The following RSKR variants were observed in gnomAD, a reference collection of about 807,000 sequenced individuals.
RSKR encodes ribosomal protein S6 kinase-related protein.
Under a neutral mutation model 56.8 loss-of-function variants are expected in RSKR, and 44 were observed. That is an observed-to-expected ratio of 0.77 (90% CI 0.61 to 1.00). The LOEUF (loss-of-function observed/expected upper bound fraction) is 1.00. Ranked by LOEUF, RSKR falls within the 50% of genes least tolerant of loss-of-function variation. The probability of loss-of-function intolerance (pLI) is 0.00; values close to 1 mark genes in which losing one functional copy is unlikely to be tolerated. For synonymous variants in RSKR, 181 were observed against 188.0 expected, an observed-to-expected ratio of 0.96 and a Z score of 0.30; for missense variants, 510 against 506.9, an observed-to-expected ratio of 1.01 and a Z score of -0.06.
Position 28,611,606 on chromosome 17 carries a change from C to A in RSKR, c.772G>T (p.Ala258Ser), listed in dbSNP as rs747475419. The A allele has an allele frequency of 3.8e-6, 6 of 1,565,080 alleles. No individual in the cohort carries two copies. The highest frequency in any genetic ancestry group is 3.5e-6 in the Non-Finnish European group (4 of 1,158,382). ...GTGCCACAGATAGTGTAGGCTTGAG[C>A]TCCCTGGGGCACGTGGCGGGACAGA... The part of the protein sequence containing the change: ...FGLSRHVPQG[A>S]QAYTICGTLQ... Residue 258 changes from alanine to serine, a missense_variant, in exon 9 of 12, where the codon GCT becomes TCT. Transcript: ENST00000301037.
intron 9 of RSKR, 25 bp downstream of exon 9, chr17:28,611,542 A>C (rs763754265): frequency 9.0e-6 from 14 of 1,560,184 alleles, no homozygotes; most frequent in Admixed American, 2.0e-5. Context: ...CCCAATGCTT[A>C]CCCATCAGCT....
rs1252338568 is a variant in RSKR, at chr17:28,614,124, T to C, written c.38A>G (p.Gln13Arg). ...AVSCRQGQHTQQGEHTRVAVP... is the reference protein window; with the variant it reads ...AVSCRQGQHTRQGEHTRVAVP... The stretch of plus-strand genomic sequence containing the variant: ...AGCCACCCGGGTGTGTTCCCCCTGC[T>C]GGGTGTGCTGCCCCTGCCGACAGCT... Residue 13 changes from glutamine (Q) to arginine (R), a missense_variant, in exon 1 of 12, where the codon CAG (glutamine) becomes CGG (arginine). Transcript: ENST00000301037. 2.5e-6 allele frequency: 4 copies of C among 1,613,668 alleles called. No homozygotes were observed. Among genetic ancestry groups the C allele is most frequent in the Non-Finnish European group, 3.4e-6 (4 of 1,179,928 alleles).
In RSKR at chr17:28,610,119, GC is replaced by G. The variant is rs1268191112; in HGVS notation, c.*358del. 1 of 224,278 alleles carries G rather than the reference GC, an allele frequency of 4.5e-6. No homozygotes were observed. The highest frequency in any genetic ancestry group is 2.3e-5 in the African/African-American group (1 of 44,418). 13.9% of individuals were successfully genotyped at this position (224,278 alleles called of 1,614,324 possible). A position where few individuals can be genotyped will look rare whatever the true frequency, so the allele number is the denominator to read the frequency against. ...TAAACACATCAATAGCACCCTGGGA[GC>G]CCATGAAGTATTATTATTGCTCAAG... On this transcript the variant is annotated 3_prime_UTR_variant, in exon 12 of 12. Coordinates refer to ENST00000301037, the MANE Select transcript of RSKR (RefSeq NM_001174103.2).
rs745665670 is a variant in RSKR, at chr17:28,611,378, C to T, written c.900+15G>A. The T allele has an allele frequency of 1.3e-6, 2 of 1,559,616 alleles. No individual in the cohort carries two copies. The highest frequency in any genetic ancestry group is 1.1e-5 in the South Asian group (1 of 87,384). On this transcript the variant is annotated intron_variant, in intron 10 of 11. Transcript: ENST00000301037. ...CAAAGCTCTTCTCTGCCCAAAACTA[C>T]TACTATTCTCTCACCTTTCCAGTCG...
rs1309442695 is a variant in RSKR at position 28,609,148 on chromosome 17, C to T, written c.*1330G>A. On this transcript the variant is annotated 3_prime_UTR_variant, in exon 12 of 12. Transcript: ENST00000301037. ...TGGCCTCCAGGGTTCAAGCAGTTCT[C>T]CTGCTTCAGCCTTCTGAGTAGCTGG... 6.8e-6 allele frequency: 1 copy of T among 146,940 alleles called. No homozygotes were observed. Among genetic ancestry groups the T allele is most frequent in the East Asian group, 2.0e-4 (1 of 4,892 alleles). 9.1% of individuals were successfully genotyped at this position (146,940 alleles called of 1,614,324 possible).
chr17:28,611,962 C>T lies in RSKR; in HGVS notation c.693+82G>A, dbSNP rs567019766. The T allele has an allele frequency of 5.5e-5, 89 of 1,613,960 alleles. No homozygotes were observed. In the African/African-American group the frequency reaches 1.1e-3, roughly 20 times the overall value. On this transcript the variant is annotated intron_variant, in intron 7 of 11. Coordinates refer to ENST00000301037, the MANE Select transcript of RSKR (RefSeq NM_001174103.2). Reference sequence around the variant, plus strand: ...TGGGGGCCCCAATGTCTACAGTTCTCAGCTCCCTAACTTCTTGGACTTGTT... The same window carrying T: ...TGGGGGCCCCAATGTCTACAGTTCTTAGCTCCCTAACTTCTTGGACTTGTT...
chr17:28,610,207 G>T lies in RSKR; in HGVS notation c.*271C>A. The T allele has an allele frequency of 2.3e-6, 1 of 429,716 alleles. No individual in the cohort carries two copies. Among genetic ancestry groups the T allele is most frequent in the Non-Finnish European group, 4.2e-6 (1 of 235,612 alleles). 26.6% of individuals were successfully genotyped at this position (429,716 alleles called of 1,614,324 possible). A position where few individuals can be genotyped will look rare whatever the true frequency, so the allele number is the denominator to read the frequency against. ...CTGGCTGACAGCCTGAGGGTAAAGA[G>T]CACTGGAGAAGTAAAGAAAAGGAAA... is the stretch of plus-strand genomic sequence containing the variant. On this transcript the variant is annotated 3_prime_UTR_variant, in exon 12 of 12. Transcript: ENST00000301037.
At chr17:28,610,804 A>G (rs2070801794) in intron 11 of RSKR, 105 bp from the exon 12 acceptor site, 1 of 1,110,476 alleles carries the variant, frequency 9.0e-7, no homozygotes, top group East Asian at 2.6e-5. Flanking sequence ...GAGGGTAGGA[A>G]TAAGAACCCT....
intron 5 of RSKR, 39 bp downstream of exon 5, chr17:28,612,579 A>G: frequency 1.2e-6 from 2 of 1,606,588 alleles, no homozygotes; most frequent in South Asian, 2.2e-5. Flanking sequence ...AACATGGTAC[A>G]AAGACCCTGG....
chr17:28,610,423 G>T lies in RSKR; in HGVS notation c.*55C>A. 1 of 1,436,012 alleles carries T rather than the reference G, an allele frequency of 7.0e-7. No homozygotes were observed. The highest frequency in any genetic ancestry group is 9.5e-7 in the Non-Finnish European group (1 of 1,057,078). The allele number at this position is 1,436,012 out of a possible 1,614,324, so 89.0% of individuals were successfully genotyped here. On this transcript the variant is annotated 3_prime_UTR_variant, in exon 12 of 12. Transcript: ENST00000301037. ...TTATCAAGGTGGTCATACTGAGTAGGCAGGGATGGAGATCTTCAGGCTCCC... is the reference window on the plus strand; with the variant it reads ...TTATCAAGGTGGTCATACTGAGTAGTCAGGGATGGAGATCTTCAGGCTCCC...
rs1463308054 is a variant in RSKR at position 28,610,650 on chromosome 17, T to C, written c.1061A>G (p.Gln354Arg). ...LHRLRYLHHF[Q>R]VHPFFRGVAF... Reference sequence around the variant, plus strand: ...CACACCCCGAAAGAAAGGGTGGACCTGGAAGTGATGCAGATAACGTAGACG... The same window carrying C: ...CACACCCCGAAAGAAAGGGTGGACCCGGAAGTGATGCAGATAACGTAGACG... Residue 354 changes from glutamine (Q) to arginine (R), a missense_variant, in exon 12 of 12, where the codon CAG (glutamine) becomes CGG (arginine). Transcript: ENST00000301037. 10 of 1,535,908 alleles carry C rather than the reference T, an allele frequency of 6.5e-6. No individual in the cohort carries two copies. Among genetic ancestry groups the C allele is most frequent in the Non-Finnish European group, 8.7e-6 (10 of 1,146,906 alleles).
At chr17:28,613,881 A>G in intron 1 of RSKR, 193 bp from the exon 2 acceptor site, 2 of 1,024,186 alleles carry the variant, frequency 2.0e-6, no homozygotes, top group East Asian at 2.6e-5. Context: ...CCTCTAGGAA[A>G]ATAATTGTTG....
intron 1 of RSKR, 163 bp downstream of exon 1, chr17:28,613,924 C>T (rs2070866707): frequency 2.0e-6 from 2 of 1,003,308 alleles, no homozygotes; most frequent in South Asian, 3.2e-5. Context: ...AAGAGTACAG[C>T]CTGCACCTCA....
intron 7 of RSKR, 67 bp from the exon 8 acceptor site, chr17:28,611,862 C>G: frequency 6.2e-7 from 1 of 1,613,170 alleles, no homozygotes; most frequent in Non-Finnish European, 8.5e-7. Flanking sequence ...ATGTATACAC[C>G]CCAGCTGAAG....
rs1391453704 is a variant in RSKR, at chr17:28,608,832, A to G, written c.*1646T>C. 1 of 152,168 alleles carries G rather than the reference A, an allele frequency of 6.6e-6. No homozygotes were observed. The highest frequency in any genetic ancestry group is 2.4e-5 in the African/African-American group (1 of 41,444). 9.4% of individuals were successfully genotyped at this position (152,168 alleles called of 1,614,324 possible). A position where few individuals can be genotyped will look rare whatever the true frequency, so the allele number is the denominator to read the frequency against. ...TCCAGACTGTCTTTTGTCTAGAGAG[A>G]TTAGATGTAACTAAATAATATGGTC... On this transcript the variant is annotated 3_prime_UTR_variant, in exon 12 of 12. Transcript: ENST00000301037.
chr17:28,612,199 T>C (rs1283859706), intron 6 of RSKR, 63 bp downstream of exon 6: 1 of 1,592,558 alleles, frequency 6.3e-7, no homozygotes, highest in African/African-American at 1.3e-5. Flanking sequence ...TATTAATTTT[T>C]TACTCTCCTT....
At chr17:28,613,755 T>A in intron 1 of RSKR, 67 bp from the exon 2 acceptor site, 1 of 1,592,660 alleles carries the variant, frequency 6.3e-7, no homozygotes, top group Non-Finnish European at 8.5e-7. Context: ...CCCATCTTAC[T>A]AGGCACTCCC....
At position 28,613,077 on chromosome 17, in the gene RSKR, C is replaced by A. The variant is rs1371005454; in HGVS notation, c.477+1G>T. ...AATCCTTTCCAGGACTCTGTGCATACCTGGATGCTAACCTCCTCTTTGCAC... is the reference window on the plus strand; with the variant it reads ...AATCCTTTCCAGGACTCTGTGCATAACTGGATGCTAACCTCCTCTTTGCAC... On this transcript the variant is annotated splice_donor_variant, in intron 4 of 11. Coordinates refer to ENST00000301037, the MANE Select transcript of RSKR (RefSeq NM_001174103.2). LOFTEE classifies it high-confidence loss of function. The A allele has an allele frequency of 1.9e-6, 3 of 1,614,000 alleles. No individual in the cohort carries two copies. The African/African-American group carries it at 4.0e-5, about 22-fold the overall frequency.
chr17:28,613,326 T>C lies in RSKR; in HGVS notation c.344A>G (p.Lys115Arg), dbSNP rs748272369. Residue 115 changes from lysine (K) to arginine (R), a missense_variant, in exon 3 of 12, where the codon AAA becomes AGA. Transcript: ENST00000301037. ...QQLKILGLVA[K>R]GSFGTVLKVL... ...CTTGAGGACAGTTCCAAAGGAGCCT[T>C]TAGCCACGAGGCCTAAAATCTGTAC... 6.2e-7 allele frequency: 1 copy of C among 1,614,214 alleles called. No homozygotes were observed. Among genetic ancestry groups the C allele is most frequent in the South Asian group, 1.1e-5 (1 of 91,076 alleles).
Sources: allele counts gnomAD v4.1 joint callset, GRCh38; gene constraint gnomAD v4.1.1; transcripts MANE v1.5; gene names NCBI Gene and HGNC (gene_info 2026-07-23, HGNC 2026-07-21).